ZSWIM4: variants seen among roughly 807,000 people sequenced by gnomAD.
The protein encoded by ZSWIM4 is zinc finger SWIM domain-containing protein 4.
A neutral mutation model predicts 102.5 loss-of-function variants in ZSWIM4; 62 were observed. That is an observed-to-expected ratio of 0.60 (90% CI 0.49 to 0.75). The LOEUF (loss-of-function observed/expected upper bound fraction) is 0.75. Among genes scored for constraint, ZSWIM4 ranks in the 30% least tolerant of loss-of-function variants. The probability of loss-of-function intolerance (pLI) is 0.00; values close to 1 mark genes in which losing one functional copy is unlikely to be tolerated. For synonymous variants in ZSWIM4, 652 were observed against 674.5 expected (o/e 0.97, Z 0.52); for missense variants, 1,280 against 1,529.6 (o/e 0.84, Z 2.72).
rs530855807 is a variant in ZSWIM4, at chr19:13,813,340, G to A, written c.1180+176G>A. Among the ~76,000 whole-genome samples, 141 of 152,322 alleles carry A rather than the reference G, an allele frequency of 9.3e-4. 1 individual carries two copies. Among genetic ancestry groups the A allele is most frequent in the African/African-American group, 3.1e-3 (130 of 41,578 alleles). On this transcript the variant is annotated intron_variant, in intron 6 of 13. Coordinates refer to ENST00000590508, the MANE Select transcript of ZSWIM4 (RefSeq NM_001367834.3). ...CCAACTTGTCTAGCCAGGAAAGAGC[G>A]AGTGCCAAGGGCAGGAGCAATGGCA...
chr19:13,825,648 G>C lies in ZSWIM4; in HGVS notation c.2314G>C (p.Ala772Pro), dbSNP rs770461653. The C allele has an allele frequency of 6.2e-7, 1 of 1,613,814 alleles. No homozygotes were observed. Among genetic ancestry groups the C allele is most frequent in the South Asian group, 1.1e-5 (1 of 91,090 alleles). Reference sequence around the variant, plus strand: ...GCTGGCGCAGGACGCCTGCAAGACAGCCACCCCGGTCAGCGCCCCACCAGA... The same window carrying C: ...GCTGGCGCAGGACGCCTGCAAGACACCCACCCCGGTCAGCGCCCCACCAGA... Reference protein sequence around the residue: ...FKLAQDACKTATPVSAPPDTT... With the variant: ...FKLAQDACKTPTPVSAPPDTT... Residue 772 changes from alanine (A) to proline (P), a missense_variant, in exon 12 of 14, where the codon GCC becomes CCC. By Grantham distance (27) the Ala-to-Pro change is conservative. Transcript: ENST00000590508. This position sits in a 1 kb window ranked among gnomAD's most constrained non-coding sequence, Gnocchi z 4.6.
At position 13,828,724 on chromosome 19, in the gene ZSWIM4, T is replaced by C. The variant is rs779441042; in HGVS notation, c.2459T>C (p.Ile820Thr). 9 of 1,613,960 alleles carry C rather than the reference T, an allele frequency of 5.6e-6. No homozygotes were observed. The Admixed American group carries it at 8.3e-5, about 15-fold the overall frequency. Residue 820 changes from isoleucine (I) to threonine (T), a missense_variant and splice_region_variant, in exon 13 of 14, where the codon ATT becomes ACT. Ile to Thr is a moderately conservative substitution (Grantham distance 89, BLOSUM62 -1). Coordinates refer to ENST00000590508, the MANE Select transcript of ZSWIM4 (RefSeq NM_001367834.3). ...VRWLVSCATE[I>T]GPQALMNIMQ... ...TGGCTGGTCAGCTGTGCCACAGAGA[T>C]TGGTGAGAGCCCCTAAGGGGACCTG...
chr19:13,801,770 C>T (rs1456869008), intron 2 of ZSWIM4, among the ~76,000 whole-genome samples: 1 of 149,908 alleles, frequency 6.7e-6, no homozygotes, highest in African/African-American at 2.5e-5. Flanking sequence ...CTCCCAGGTT[C>T]AAGGAATACC....
At chr19:13,818,470 G>A (rs1257677516) in intron 9 of ZSWIM4, among the ~76,000 whole-genome samples, 4 of 152,180 alleles carry the variant, frequency 2.6e-5, no homozygotes, top group Non-Finnish European at 4.4e-5. Flanking sequence ...CCCCAAGGCA[G>A]GTGCAGCCCC....
chr19:13,824,310 C>T (rs1256258619), intron 11 of ZSWIM4, among the ~76,000 whole-genome samples: 1 of 152,146 alleles, frequency 6.6e-6, no homozygotes, highest in South Asian at 2.1e-4. Flanking sequence ...GCCTGTAATC[C>T]CAGCACTTTG....
rs1030894162 is a variant in ZSWIM4 at position 13,813,004 on chromosome 19, G to A, written c.1020G>A (p.Leu340=). ...TGCCCCGTGCCTCCTCAGGGGCCCT[G>A]TGGGTTTGCGTCGTCCTGAGCCCCC... ...CRQLWDELGA[L]WVCVVLSPHC... is the part of the protein sequence containing the mutation. The change falls in exon 6 of 14, where the codon CTG becomes CTA. Residue 340 remains leucine (L), a synonymous_variant. Coordinates refer to ENST00000590508, the MANE Select transcript of ZSWIM4 (RefSeq NM_001367834.3). The A allele has an allele frequency of 1.9e-6, 3 of 1,608,924 alleles. No individual in the cohort carries two copies. The highest frequency in any genetic ancestry group is 1.3e-5 in the African/African-American group (1 of 74,806).
Position 13,819,510 on chromosome 19 carries a change from A to G in ZSWIM4, c.2060+18A>G. On this transcript the variant is annotated intron_variant, in intron 10 of 13. Transcript: ENST00000590508. ...GCTATGAGGTGAGGATAGGTGGCCA[A>G]GGCAGTGGCAGGGGGAGCTGGGGGG... The G allele has an allele frequency of 6.7e-7, 1 of 1,493,126 alleles. No homozygotes were observed. Among genetic ancestry groups the G allele is most frequent in the Non-Finnish European group, 9.0e-7 (1 of 1,108,850 alleles). 92.5% of individuals were successfully genotyped at this position (1,493,126 alleles called of 1,614,324 possible).
Position 13,805,051 on chromosome 19 carries a change from G to A in ZSWIM4, c.615G>A (p.Gln205=), listed in dbSNP as rs1431915124. Reference sequence around the variant, plus strand: ...GGGACCAGCTGCAGAAGTTCGTGCAGTACCTCATCAGCGCCCATCACACTG... The same window carrying A: ...GGGACCAGCTGCAGAAGTTCGTGCAATACCTCATCAGCGCCCATCACACTG... ...MNRDQLQKFV[Q]YLISAHHTEV... Residue 205 remains glutamine (Q), a synonymous_variant, in exon 3 of 14, where the codon CAG becomes CAA. Transcript: ENST00000590508. The A allele has an allele frequency of 6.2e-7, 1 of 1,610,242 alleles. No individual in the cohort carries two copies. The highest frequency in any genetic ancestry group is 8.5e-7 in the Non-Finnish European group (1 of 1,180,024).
intron 9 of ZSWIM4, 108 bp downstream of exon 9, chr19:13,818,084 C>G (rs560096906): frequency 1.4e-6 from 2 of 1,411,768 alleles, no homozygotes; most frequent in South Asian, 3.1e-5. Context: ...CAGCCCCGCC[C>G]CTAGCCCCGC....
Position 13,830,163 on chromosome 19 carries a change from C to T in ZSWIM4, c.2462-28C>T, listed in dbSNP as rs150016705. Reference sequence around the variant, plus strand: ...TACGTGTGTCTGCCCCCGCTCCTGACGGATTTCCCTCCCTCACCTCCCACC... The same window carrying T: ...TACGTGTGTCTGCCCCCGCTCCTGATGGATTTCCCTCCCTCACCTCCCACC... On this transcript the variant is annotated intron_variant, in intron 13 of 13. Transcript: ENST00000590508. The T allele has an allele frequency of 9.8e-4, 1,570 of 1,595,388 alleles. 37 individuals are homozygous for T. In the East Asian group the frequency reaches 0.027, roughly 28 times the overall value.
chr19:13,817,419 C>G, intron 8 of ZSWIM4, 66 bp downstream of exon 8: 1 of 1,565,474 alleles, frequency 6.4e-7, no homozygotes, highest in South Asian at 1.2e-5. Flanking sequence ...GCCCCCTGGC[C>G]CAGTACCCCT....
At position 13,799,744 on chromosome 19, in the gene ZSWIM4, C is replaced by T. The variant is rs770349251; in HGVS notation, c.178C>T (p.Pro60Ser). The T allele has an allele frequency of 1.9e-6, 3 of 1,614,048 alleles. No individual in the cohort carries two copies. The stretch of plus-strand genomic sequence containing the variant: ...GGTGGAGGAGCGGTTCTCCCGGGTG[C>T]CTGAGCCCGTCCAGAAGCGCATCGT... ...EQVEERFSRV[P>S]EPVQKRIVFW... The change falls in exon 2 of 14, where the codon CCT (proline) becomes TCT (serine). Residue 60 changes from proline (P) to serine (S), a missense_variant. Physicochemically the swap from Pro to Ser is moderately conservative, Grantham distance 74. Transcript: ENST00000590508.
chr19:13,813,114 A>G lies in ZSWIM4; in HGVS notation c.1130A>G (p.Asn377Ser), dbSNP rs754697824. 1.1e-5 allele frequency: 17 copies of G among 1,613,936 alleles called. No homozygotes were observed. Among genetic ancestry groups the G allele is most frequent in the South Asian group, 6.6e-5 (6 of 91,064 alleles). Residue 377 changes from asparagine (N) to serine (S), a missense_variant, in exon 6 of 14, where the codon AAC (asparagine) becomes AGC (serine). Physicochemically the swap from Asn to Ser is conservative, Grantham distance 46 (BLOSUM62 1). Coordinates refer to ENST00000590508, the MANE Select transcript of ZSWIM4 (RefSeq NM_001367834.3). ...KLDVCPLEEG[N>S]YSFDGPSLQP... ...GACGTCTGCCCACTGGAAGAGGGCA[A>G]CTACTCCTTCGACGGCCCCAGCCTG...
intron 11 of ZSWIM4, among the ~76,000 whole-genome samples, chr19:13,824,596 G>A (rs1975555025): frequency 6.6e-6 from 1 of 152,068 alleles, no homozygotes. Context: ...GCTGGGCGTG[G>A]TGACCGGCAC....
chr19:13,827,276 A>G (rs972124394), intron 12 of ZSWIM4, among the ~76,000 whole-genome samples: 15 of 151,754 alleles, frequency 9.9e-5, no homozygotes, highest in Admixed American at 8.5e-4. Flanking sequence ...CAGAGCAAGA[A>G]GACCCCAACT....
intron 3 of ZSWIM4, among the ~76,000 whole-genome samples, chr19:13,807,048 A>G (rs915608237): frequency 6.6e-6 from 1 of 152,090 alleles, no homozygotes; most frequent in Non-Finnish European, 1.5e-5. Flanking sequence ...ACTAATAGTT[A>G]TCACCTAGAT....
In ZSWIM4 at chr19:13,825,353, G is replaced by C. The variant is rs1454425387; in HGVS notation, c.2216-197G>C. Among the ~76,000 whole-genome samples the C allele has an allele frequency of 6.6e-6, 1 of 152,084 alleles. No individual in the cohort carries two copies. The highest frequency in any genetic ancestry group is 2.4e-5 in the African/African-American group (1 of 41,398). On this transcript the variant is annotated intron_variant, in intron 11 of 13. Coordinates refer to ENST00000590508, the MANE Select transcript of ZSWIM4 (RefSeq NM_001367834.3). This position sits in a 1 kb window ranked among gnomAD's most constrained non-coding sequence, Gnocchi z 4.6. ...CTAGGTGGCTTTCTGTAACAGGAAA[G>C]GGCCAGAGAGGAGATAATTGGCAAG... is the stretch of plus-strand genomic sequence containing the variant.
At chr19:13,815,167 T>C (rs1445889776) in intron 7 of ZSWIM4, 1 of 154,672 alleles carries the variant, frequency 6.5e-6, no homozygotes, top group Non-Finnish European at 1.4e-5. Flanking sequence ...ATCTCTTTTT[T>C]TTTTTGAGAC....
At chr19:13,818,154 T>A (rs1231502913) in intron 9 of ZSWIM4, among the ~76,000 whole-genome samples, 178 bp downstream of exon 9, 7 of 152,030 alleles carry the variant, frequency 4.6e-5, no homozygotes, top group African/African-American at 1.7e-4. Context: ...AGCCAGCTCT[T>A]TTTCCCGCCA....
Sources: allele counts gnomAD v4.1 joint callset (sites outside exome capture counted in the v4.1 genomes callset), GRCh38; gene constraint gnomAD v4.1.1; non-coding constraint Gnocchi (gnomAD v3.1); transcripts MANE v1.5; gene names NCBI Gene and HGNC (gene_info 2026-07-23, HGNC 2026-07-21).